The following SLC8A1 variants were observed in gnomAD, a reference collection of about 807,000 sequenced individuals.
SLC8A1 encodes solute carrier family 8 member A1, also known as sodium/calcium exchanger 1.
SLC8A1 carries 18 observed loss-of-function variants against 68.3 expected under a neutral mutation model. The ratio of observed to expected loss-of-function variants is 0.26; its 90% CI spans 0.18 to 0.39. The LOEUF (loss-of-function observed/expected upper bound fraction) is 0.39, where lower values mean the gene tolerates loss of function less well. SLC8A1 is among the 10% of genes least tolerant of loss of function. SLC8A1 has a pLI of 1.00. For missense variants in SLC8A1, 985 were observed against 1,156.7 expected (o/e 0.85, Z 2.15); for synonymous variants, 475 against 415.5 (o/e 1.14, Z -1.74).
chr2:40,125,065 G>T (rs753502209), intron 7 of SLC8A1, among the ~76,000 whole-genome samples: 1 of 152,190 alleles, frequency 6.6e-6, no homozygotes, highest in Non-Finnish European at 1.5e-5. Flanking sequence ...TTTACAAAGA[G>T]CATGTATTGT....
At chr2:40,306,582 A>G (rs2072655140) in intron 2 of SLC8A1, among the ~76,000 whole-genome samples, 1 of 152,208 alleles carries the variant, frequency 6.6e-6, no homozygotes, top group Non-Finnish European at 1.5e-5. Context: ...GGAAATATAT[A>G]CCAACTGGAC....
intron 2 of SLC8A1, among the ~76,000 whole-genome samples, chr2:40,315,274 G>A (rs370679286): frequency 1.2e-4 from 18 of 151,414 alleles, no homozygotes; most frequent in South Asian, 6.3e-4. Flanking sequence ...TTTCTAGTTC[G>A]TCAGTATGGT....
At position 40,415,911 on chromosome 2, in the gene SLC8A1, CAT is replaced by C. The variant is rs55709723; in HGVS notation, c.1808+12560_1808+12561del. 2.1e-3 allele frequency among the ~76,000 whole-genome samples: 283 copies of C among 133,682 alleles called. 3 individuals carry two copies. Among genetic ancestry groups the C allele is most frequent in the African/African-American group, 7.2e-3 (259 of 35,790 alleles). The allele number at this position is 133,682 out of a possible 152,430, so 87.7% of individuals were successfully genotyped here. A position where few individuals can be genotyped will look rare whatever the true frequency, so the allele number is the denominator to read the frequency against. The stretch of plus-strand genomic sequence containing the variant: ...ACACACACACACACACACACACACA[CAT>C]TAGCTGGGCGTGGTGGCAGGTGTCT... On this transcript the variant is annotated intron_variant, in intron 2 of 7. Coordinates refer to ENST00000406785, the Ensembl canonical transcript of SLC8A1.
At chr2:40,254,155 T>TAATC (rs2063477025) in intron 2 of SLC8A1, among the ~76,000 whole-genome samples, 1 of 151,792 alleles carries the variant, frequency 6.6e-6, no homozygotes, top group South Asian at 2.1e-4. Flanking sequence ...GAAATATTTA[T>TAATC]AATCATTATG....
At chr2:40,400,169 T>C (rs1374260401) in intron 2 of SLC8A1, among the ~76,000 whole-genome samples, 1 of 152,200 alleles carries the variant, frequency 6.6e-6, no homozygotes, top group Admixed American at 6.5e-5. Flanking sequence ...GCTCGGCTCT[T>C]GAGACAGGAG....
chr2:40,375,016 C>G lies in SLC8A1; in HGVS notation c.1808+53457G>C, dbSNP rs1575814560. Among the ~76,000 whole-genome samples, 3 of 152,194 alleles carry G rather than the reference C, an allele frequency of 2.0e-5. No individual in the cohort carries two copies. In the South Asian group the frequency reaches 6.2e-4, roughly 32 times the overall value. On this transcript the variant is annotated intron_variant, in intron 2 of 7. Transcript: ENST00000406785. ...AGAGTAATAAATCTTCCATGGAGAG[C>G]TCTCTACCTCTGGCTGCTTGATAAT... is the stretch of plus-strand genomic sequence containing the variant.
chr2:40,116,159 T>C (rs1390333873), intron 7 of SLC8A1, among the ~76,000 whole-genome samples: 1 of 152,120 alleles, frequency 6.6e-6, no homozygotes, highest in Non-Finnish European at 1.5e-5. Flanking sequence ...AGTTAAGATG[T>C]CGGGAGAGAT....
intron 2 of SLC8A1, among the ~76,000 whole-genome samples, chr2:40,400,156 T>G (rs1215354445): frequency 6.6e-6 from 1 of 152,188 alleles, no homozygotes; most frequent in African/African-American, 2.4e-5. Flanking sequence ...GCTCACTCGG[T>G]GAGCTCGGCT....
chr2:40,155,425 G>T (rs1377013529), intron 6 of SLC8A1, among the ~76,000 whole-genome samples: 1 of 152,108 alleles, frequency 6.6e-6, no homozygotes, highest in Non-Finnish European at 1.5e-5. Context: ...CACCGTGCCT[G>T]GCCCTAGCAG....
intron 7 of SLC8A1, among the ~76,000 whole-genome samples, chr2:40,134,377 C>T (rs909680480): frequency 6.6e-6 from 1 of 152,122 alleles, no homozygotes; most frequent in African/African-American, 2.4e-5. Context: ...CAGGTGTGAG[C>T]TACCGCACCT....
intron 1 of SLC8A1, among the ~76,000 whole-genome samples, chr2:40,433,353 A>G (rs1698749407): frequency 2.6e-5 from 4 of 152,144 alleles, no homozygotes; most frequent in South Asian, 2.1e-4. Context: ...GTCCAAAACT[A>G]TTTTGCTTTT....
Position 40,482,749 on chromosome 2 carries a change from AT to A in SLC8A1, c.-25+29599del, listed in dbSNP as rs1320535451. On this transcript the variant is annotated intron_variant, in intron 1 of 7. Transcript: ENST00000402441. ...CTGTTTTCTGAAACCCAGAGAGACA[AT>A]GTTTTTCCTTATTTCTATGACAGAA... Among the ~76,000 whole-genome samples, 3 of 149,274 alleles carry A rather than the reference AT, an allele frequency of 2.0e-5. No individual in the cohort carries two copies. In the East Asian group the frequency reaches 5.9e-4, roughly 29 times the overall value.
chr2:40,440,506 T>C (rs1159607533), intron 1 of SLC8A1, among the ~76,000 whole-genome samples: 2 of 152,208 alleles, frequency 1.3e-5, no homozygotes, highest in African/African-American at 2.4e-5. Context: ...ACGTCTTTTA[T>C]GTATATAGCA....
At chr2:40,152,528 C>T (rs1209371023) in intron 6 of SLC8A1, among the ~76,000 whole-genome samples, 4 of 152,040 alleles carry the variant, frequency 2.6e-5, no homozygotes, top group Non-Finnish European at 5.9e-5. Flanking sequence ...CTTCAGCCTC[C>T]CTAGCGGCTG....
intron 1 of SLC8A1, among the ~76,000 whole-genome samples, chr2:40,450,351 A>AGTGTGTGTGT (rs141272449): frequency 1.3e-5 from 2 of 149,808 alleles, no homozygotes; most frequent in South Asian, 4.2e-4. Flanking sequence ...AAAGCATGTG[A>AGTGTGTGTGT]GTGTGTGTGT....
chr2:40,382,241 A>G, intron 2 of SLC8A1, among the ~76,000 whole-genome samples: 1 of 152,096 alleles, frequency 6.6e-6, no homozygotes, highest in Non-Finnish European at 1.5e-5. Flanking sequence ...TATAGCTCAG[A>G]AAGGCATAAC....
chr2:40,299,294 G>C (rs1456600227), intron 2 of SLC8A1, among the ~76,000 whole-genome samples: 1 of 152,162 alleles, frequency 6.6e-6, no homozygotes, highest in Admixed American at 6.5e-5. Context: ...AAAGGGAGTT[G>C]ATTGCCTAAG....
At chr2:40,276,934 G>A (rs1051347031) in intron 2 of SLC8A1, among the ~76,000 whole-genome samples, 3 of 152,146 alleles carry the variant, frequency 2.0e-5, no homozygotes, top group East Asian at 3.8e-4. Context: ...ACTTAGAAAG[G>A]CTTGAGTCGA....
chr2:40,354,956 T>G (rs965053327), intron 2 of SLC8A1, among the ~76,000 whole-genome samples: 1 of 152,188 alleles, frequency 6.6e-6, no homozygotes, highest in Non-Finnish European at 1.5e-5. Flanking sequence ...AGAACAGGCA[T>G]AGAGAAATGC....
Sources: allele counts gnomAD v4.1 joint callset (sites outside exome capture counted in the v4.1 genomes callset), GRCh38; gene constraint gnomAD v4.1.1; transcripts MANE v1.5; gene names NCBI Gene and HGNC (gene_info 2026-07-23, HGNC 2026-07-21).